SCFD1: variants seen among roughly 807,000 people sequenced by gnomAD.
The protein encoded by SCFD1 is sec1 family domain-containing protein 1.
Under a neutral mutation model 103.2 loss-of-function variants are expected in SCFD1, and 37 were observed. The ratio of observed to expected loss-of-function variants is 0.36; its 90% CI spans 0.28 to 0.47. The LOEUF (loss-of-function observed/expected upper bound fraction) is 0.47. SCFD1 is among the 20% of genes least tolerant of loss of function. SCFD1 has a pLI of 1.00. For missense variants in SCFD1, 639 were observed against 761.2 expected (o/e 0.84, Z 1.89); for synonymous variants, 264 against 245.0 (o/e 1.08, Z -0.73).
chr14:30,734,705 AAAC>A lies in SCFD1; in HGVS notation c.1837-84_1837-82del. 5 of 1,066,066 alleles carry A rather than the reference AAAC, an allele frequency of 4.7e-6. No homozygotes were observed. The South Asian group carries it at 6.4e-5, about 14-fold the overall frequency. 66.0% of individuals were successfully genotyped at this position (1,066,066 alleles called of 1,614,324 possible). A position where few individuals can be genotyped will look rare whatever the true frequency, so the allele number is the denominator to read the frequency against. Reference sequence around the variant, plus strand: ...AGAAAGACTGTTAAGAATAACAAAAAAACTAGCATATTAATCTCTTTTCTTGGG... The same window carrying A: ...AGAAAGACTGTTAAGAATAACAAAAATAGCATATTAATCTCTTTTCTTGGG... On this transcript the variant is annotated intron_variant, in intron 23 of 24. Coordinates refer to ENST00000458591, the MANE Select transcript of SCFD1 (RefSeq NM_016106.4).
At chr14:30,665,365 C>T (rs1455012269) in intron 10 of SCFD1, among the ~76,000 whole-genome samples, 2 of 152,164 alleles carry the variant, frequency 1.3e-5, no homozygotes, top group Non-Finnish European at 2.9e-5. Context: ...CACTACCAGG[C>T]CTGCCTTACA....
chr14:30,634,566 A>T (rs988785303), intron 4 of SCFD1, among the ~76,000 whole-genome samples: 1 of 152,296 alleles, frequency 6.6e-6, no homozygotes, highest in Non-Finnish European at 1.5e-5. Context: ...AATAAGGGCA[A>T]CCACTGTACT....
At chr14:30,657,775 G>A (rs1398269522) in intron 10 of SCFD1, among the ~76,000 whole-genome samples, 1 of 152,154 alleles carries the variant, frequency 6.6e-6, no homozygotes, top group Non-Finnish European at 1.5e-5. Context: ...TCCACAAGAT[G>A]GAGTAAGTAA....
At chr14:30,688,841 T>A (rs1890042257) in intron 14 of SCFD1, among the ~76,000 whole-genome samples, 1 of 91,216 alleles carries the variant, frequency 1.1e-5, no homozygotes, top group Non-Finnish European at 1.8e-5. Flanking sequence ...TATGTGTGAA[T>A]TTGATCCTGT....
At chr14:30,722,002 C>G (rs1892682939) in intron 22 of SCFD1, 85 bp downstream of exon 22, 3 of 942,294 alleles carry the variant, frequency 3.2e-6, no homozygotes, top group African/African-American at 1.7e-5. Flanking sequence ...CCAAACATGG[C>G]TTTATGATGA....
rs1224325830 is a variant in SCFD1, at chr14:30,670,240, G to T, written c.856-16G>T. Reference sequence around the variant, plus strand: ...CTTAGAAAACAGTTGTTTAACACAAGATTACTTTTTCCTAGGATTTCCATT... The same window carrying T: ...CTTAGAAAACAGTTGTTTAACACAATATTACTTTTTCCTAGGATTTCCATT... On this transcript the variant is annotated splice_polypyrimidine_tract_variant and intron_variant, in intron 10 of 24. Coordinates refer to ENST00000458591, the MANE Select transcript of SCFD1 (RefSeq NM_016106.4). 9 of 1,562,546 alleles carry T rather than the reference G, an allele frequency of 5.8e-6. No homozygotes were observed. The highest frequency in any genetic ancestry group is 1.9e-4 in the Middle Eastern group (1 of 5,158).
At chr14:30,718,613 GATAA>G (rs1892448357) in intron 20 of SCFD1, among the ~76,000 whole-genome samples, 1 of 152,170 alleles carries the variant, frequency 6.6e-6, no homozygotes, top group Admixed American at 6.5e-5. Context: ...AGTTAGACCT[GATAA>G]ATAATCTTGA....
intron 6 of SCFD1, among the ~76,000 whole-genome samples, chr14:30,642,322 C>T (rs1268692167): frequency 6.6e-6 from 1 of 152,158 alleles, no homozygotes; most frequent in Non-Finnish European, 1.5e-5. Flanking sequence ...AACTCCTAAC[C>T]TTAGGTGATC....
rs76402309 is a variant in SCFD1, at chr14:30,636,809, C to T, written c.313-1316C>T. Among the ~76,000 whole-genome samples, 5 of 151,944 alleles carry T rather than the reference C, an allele frequency of 3.3e-5. No homozygotes were observed. The East Asian group carries it at 9.7e-4, about 29-fold the overall frequency. On this transcript the variant is annotated intron_variant, in intron 4 of 24. Coordinates refer to ENST00000458591, the MANE Select transcript of SCFD1 (RefSeq NM_016106.4). ...CTTATTATGAATGGAATTCTTAATT[C>T]CATTTTTAGGATTCTTCATTGCAAT...
intron 19 of SCFD1, among the ~76,000 whole-genome samples, chr14:30,710,073 C>A (rs73254555): frequency 0.017 from 2,525 of 151,900 alleles, 92 homozygotes; most frequent in African/African-American, 0.057. Context: ...GTATATATCC[C>A]CTATGATACC....
intron 9 of SCFD1, 100 bp from the exon 10 acceptor site, chr14:30,653,389 T>C (rs1886587142): frequency 2.7e-6 from 2 of 737,282 alleles, no homozygotes; most frequent in Non-Finnish European, 4.6e-6. Flanking sequence ...AGCATACTAT[T>C]ATTCATATCA....
intron 2 of SCFD1, 96 bp from the exon 3 acceptor site, chr14:30,630,381 T>C (rs1883980868): frequency 1.3e-6 from 1 of 747,538 alleles, no homozygotes; most frequent in Admixed American, 2.0e-5. Context: ...TCAGTATATA[T>C]GATGTATTAA....
upstream of SCFD1, chr14:30,622,268 G>C: frequency 6.3e-7 from 1 of 1,577,772 alleles, no homozygotes; most frequent in South Asian, 1.2e-5. Context: ...CTTTGCTTCC[G>C]GGGCGGTAAG....
chr14:30,694,328 G>GT (rs1890534814), intron 14 of SCFD1, among the ~76,000 whole-genome samples: 1 of 151,998 alleles, frequency 6.6e-6, no homozygotes, highest in Non-Finnish European at 1.5e-5. Context: ...TAATCTGTTG[G>GT]TTTTTTTCTA....
chr14:30,635,011 A>AG (rs1884578106), intron 4 of SCFD1: 5 of 455,396 alleles, frequency 1.1e-5, no homozygotes, highest in Admixed American at 4.7e-5. Context: ...AGCAAGGAAA[A>AG]GGAGAAAAGT....
intron 23 of SCFD1, among the ~76,000 whole-genome samples, chr14:30,734,299 C>A (rs1265061479): frequency 6.6e-6 from 1 of 152,146 alleles, no homozygotes; most frequent in Non-Finnish European, 1.5e-5. Flanking sequence ...GTAACTGTGA[C>A]TTTTATTCCT....
At chr14:30,733,560 T>A (rs1410272066) in intron 23 of SCFD1, among the ~76,000 whole-genome samples, 1 of 152,204 alleles carries the variant, frequency 6.6e-6, no homozygotes, top group African/African-American at 2.4e-5. Context: ...CCTGTGCTTA[T>A]CTCCAAGAAT....
Position 30,694,881 on chromosome 14 carries a change from A to G in SCFD1, c.1339+12A>G. ...ATCAGACCCTGATGGTATGTACCAA[A>G]AATTTGAGGTTAATGTAAGTTTCAT... On this transcript the variant is annotated intron_variant, in intron 15 of 24. Transcript: ENST00000458591. 1 of 1,577,714 alleles carries G rather than the reference A, an allele frequency of 6.3e-7. No individual in the cohort carries two copies. The highest frequency in any genetic ancestry group is 2.3e-5 in the East Asian group (1 of 42,918).
rs1882954889 is a variant in SCFD1, at chr14:30,622,568, G to A, written c.61+169G>A. The A allele has an allele frequency of 1.1e-5, 13 of 1,215,582 alleles. No homozygotes were observed. The South Asian group carries it at 2.2e-4, about 20-fold the overall frequency. 75.3% of individuals were successfully genotyped at this position (1,215,582 alleles called of 1,614,324 possible). ...GGGGAGAAGTTGCCATTAGCTTGAGGACTCGGTTCCTCCTGTGGTGCAGGA... is the reference window on the plus strand; with the variant it reads ...GGGGAGAAGTTGCCATTAGCTTGAGAACTCGGTTCCTCCTGTGGTGCAGGA... On this transcript the variant is annotated intron_variant, in intron 1 of 24. Transcript: ENST00000458591.
Sources: allele counts gnomAD v4.1 joint callset (sites outside exome capture counted in the v4.1 genomes callset), GRCh38; gene constraint gnomAD v4.1.1; transcripts MANE v1.5; gene names NCBI Gene and HGNC (gene_info 2026-07-23, HGNC 2026-07-21).